The following DNASE1L3 variants were observed in gnomAD, a reference collection of about 807,000 sequenced individuals.
DNASE1L3 encodes the protein deoxyribonuclease 1L3.
A neutral mutation model predicts 30.9 loss-of-function variants in DNASE1L3; 27 were observed. That is an observed-to-expected ratio of 0.87 (90% CI 0.64 to 1.20). The LOEUF is 1.20. Ranked by LOEUF, DNASE1L3 falls within the 50% of genes most tolerant of loss-of-function variation. The pLI, the probability that DNASE1L3 is intolerant of heterozygous loss-of-function variation, is 0.00. For synonymous variants in DNASE1L3, 135 were observed against 138.0 expected (o/e 0.98, Z 0.15); for missense variants, 364 against 378.2 (o/e 0.96, Z 0.31).
intron 1 of DNASE1L3, among the ~76,000 whole-genome samples, chr3:58,210,534 C>T (rs1317805203): frequency 6.6e-6 from 1 of 152,224 alleles, no homozygotes; most frequent in Admixed American, 6.5e-5. Context: ...TAAGAGCTTT[C>T]CATTTGCCAA....
At chr3:58,207,181 G>A (rs2097404579) in intron 2 of DNASE1L3, among the ~76,000 whole-genome samples, 1 of 152,092 alleles carries the variant, frequency 6.6e-6, no homozygotes, top group Non-Finnish European at 1.5e-5. Flanking sequence ...GGCCAGCCTG[G>A]GCAACATAGC....
rs148314913 is a variant in DNASE1L3, at chr3:58,193,380, A to G, written c.764T>C (p.Phe255Ser). 74 of 1,614,026 alleles carry G rather than the reference A, an allele frequency of 4.6e-5. No homozygotes were observed. Among genetic ancestry groups the G allele is most frequent in the Non-Finnish European group, 6.1e-5 (72 of 1,180,026 alleles). The change falls in exon 7 of 8, where the codon TTT becomes TCT. Residue 255 changes from phenylalanine to serine, a missense_variant. Physicochemically the swap from Phe to Ser is radical, Grantham distance 155 (BLOSUM62 -2). Transcript: ENST00000394549. ...SSVVPKSNSV[F>S]DFQKAYKLTE... ...CAGCTTGTAAGCTTTCTGGAAGTCA[A>G]AAACACTGTTTGACTTGGGAACAAC...
chr3:58,204,130 C>T (rs563004823), intron 4 of DNASE1L3, among the ~76,000 whole-genome samples: 14 of 146,688 alleles, frequency 9.5e-5, no homozygotes, highest in Admixed American at 6.9e-4. Context: ...TCACCTAAGC[C>T]ATTGCTTAGG....
chr3:58,203,557 G>C (rs1457245188), intron 4 of DNASE1L3, among the ~76,000 whole-genome samples: 7 of 152,328 alleles, frequency 4.6e-5, no homozygotes, highest in Non-Finnish European at 8.8e-5. Context: ...CAGCACTTTG[G>C]GAAGCCAAGG....
In DNASE1L3 at chr3:58,200,918, C is replaced by T. The variant is rs993594322; in HGVS notation, c.546+79G>A. 24 of 1,169,260 alleles carry T rather than the reference C, an allele frequency of 2.1e-5. No homozygotes were observed. In the African/African-American group the frequency reaches 3.0e-4, roughly 15 times the overall value. The allele number at this position is 1,169,260 out of a possible 1,614,324, so 72.4% of individuals were successfully genotyped here. On this transcript the variant is annotated intron_variant, in intron 5 of 7. Transcript: ENST00000394549. This position sits in a 1 kb window ranked among gnomAD's most constrained non-coding sequence, Gnocchi z 4.2. ...CACATGCCCTTCCTCCTCCCCCTCC[C>T]TGGAGAGGTACTCATCCCACTCAGG...
In DNASE1L3 at chr3:58,197,010, A is replaced by T. The variant is rs1575496043; in HGVS notation, c.704+811T>A. ...GATTTTAGCAGTATTTATAACAGCA[A>T]ACCCTTGGTAATAACCCAATGCCTA... On this transcript the variant is annotated intron_variant, in intron 6 of 7. Transcript: ENST00000394549. This position sits in a 1 kb window ranked among gnomAD's most constrained non-coding sequence, Gnocchi z 5.3. Among the ~76,000 whole-genome samples the T allele has an allele frequency of 6.6e-6, 1 of 152,220 alleles. No individual in the cohort carries two copies. Among genetic ancestry groups the T allele is most frequent in the South Asian group, 2.1e-4 (1 of 4,826 alleles).
chr3:58,200,569 G>A lies in DNASE1L3; in HGVS notation c.546+428C>T, dbSNP rs150058971. Among the ~76,000 whole-genome samples the A allele has an allele frequency of 1.8e-4, 27 of 152,004 alleles. No homozygotes were observed. Among genetic ancestry groups the A allele is most frequent in the Middle Eastern group, 6.8e-3 (2 of 294 alleles). On this transcript the variant is annotated intron_variant, in intron 5 of 7. Transcript: ENST00000394549. This position sits in a 1 kb window ranked among gnomAD's most constrained non-coding sequence, Gnocchi z 4.2. Reference sequence around the variant, plus strand: ...CCAATCAATTGCTCCTTTTTTTCATGAGCCATGTTAAGATTCTGTCCCTTG... The same window carrying A: ...CCAATCAATTGCTCCTTTTTTTCATAAGCCATGTTAAGATTCTGTCCCTTG...
At chr3:58,194,647 A>G in intron 6 of DNASE1L3, among the ~76,000 whole-genome samples, 1 of 128,806 alleles carries the variant, frequency 7.8e-6, no homozygotes. Context: ...TTTTTTTGAG[A>G]CGGAGTCTCT....
chr3:58,204,094 G>C (rs536525687), intron 4 of DNASE1L3, among the ~76,000 whole-genome samples: 4 of 151,922 alleles, frequency 2.6e-5, no homozygotes, highest in Non-Finnish European at 5.9e-5. Flanking sequence ...GTGACTGGAG[G>C]GAGAGTGAGC....
chr3:58,197,145 G>A lies in DNASE1L3; in HGVS notation c.704+676C>T, dbSNP rs991598005. 3.3e-5 allele frequency among the ~76,000 whole-genome samples: 5 copies of A among 152,210 alleles called. No individual in the cohort carries two copies. Among genetic ancestry groups the A allele is most frequent in the Non-Finnish European group, 7.3e-5 (5 of 68,036 alleles). On this transcript the variant is annotated intron_variant, in intron 6 of 7. Coordinates refer to ENST00000394549, the MANE Select transcript of DNASE1L3 (RefSeq NM_004944.4). The surrounding 1 kb of genome is among the most constrained non-coding windows in gnomAD (Gnocchi z 5.3). ...ATGCCAGGCATTGTGCTAGCAGCCT[G>A]ACATGTTATTTCATTTACTCCACAT...
chr3:58,207,876 T>TGTA (rs2097405133), intron 2 of DNASE1L3: 1 of 218,914 alleles, frequency 4.6e-6, no homozygotes, highest in African/African-American at 2.3e-5. Context: ...GTGAGCATGT[T>TGTA]GTAATTTTAT....
At position 58,197,791 on chromosome 3, in the gene DNASE1L3, G is replaced by A. The variant is rs1406211163; in HGVS notation, c.704+30C>T. The stretch of plus-strand genomic sequence containing the variant: ...CCTAGTGCACACCAAGCACTGTGGT[G>A]AGCCAGCAGCACCCTGCAGGGCCTC... On this transcript the variant is annotated intron_variant, in intron 6 of 7. Coordinates refer to ENST00000394549, the MANE Select transcript of DNASE1L3 (RefSeq NM_004944.4). The surrounding 1 kb of genome is among the most constrained non-coding windows in gnomAD (Gnocchi z 5.3). The A allele has an allele frequency of 1.2e-6, 2 of 1,612,764 alleles. No individual in the cohort carries two copies. Among genetic ancestry groups the A allele is most frequent in the Admixed American group, 1.7e-5 (1 of 60,010 alleles).
chr3:58,208,763 C>T (rs941924990), intron 1 of DNASE1L3, among the ~76,000 whole-genome samples: 18 of 152,130 alleles, frequency 1.2e-4, no homozygotes, highest in Non-Finnish European at 4.4e-5. Context: ...TACTGCAAAC[C>T]TACTCCGAGC....
chr3:58,205,634 A>G (rs1250897487), intron 2 of DNASE1L3, 74 bp from the exon 3 acceptor site: 6 of 1,291,068 alleles, frequency 4.6e-6, no homozygotes, highest in African/African-American at 1.5e-5. Context: ...TTTCTTTCCA[A>G]TCTGCCTCCA....
In DNASE1L3 at chr3:58,192,598, T is replaced by C; in HGVS notation, c.*89A>G. 5.9e-6 allele frequency: 8 copies of C among 1,354,936 alleles called. No individual in the cohort carries two copies. Among genetic ancestry groups the C allele is most frequent in the South Asian group, 5.6e-5 (4 of 70,972 alleles). The allele number at this position is 1,354,936 out of a possible 1,614,324, so 83.9% of individuals were successfully genotyped here. ...AAAAATGAAAGCAGTTGGATCACTC[T>C]TGTTTCCTAAGTACAGGGAGCAGTT... On this transcript the variant is annotated 3_prime_UTR_variant, in exon 8 of 8. Coordinates refer to ENST00000394549, the MANE Select transcript of DNASE1L3 (RefSeq NM_004944.4). The surrounding 1 kb of genome is among the most constrained non-coding windows in gnomAD (Gnocchi z 4.8).
chr3:58,201,030 G>A lies in DNASE1L3; in HGVS notation c.513C>T (p.Val171=), dbSNP rs377307065. 5 of 1,613,562 alleles carry A rather than the reference G, an allele frequency of 3.1e-6. No individual in the cohort carries two copies. The South Asian group carries it at 3.3e-5, about 11-fold the overall frequency. Residue 171 remains valine (V), a synonymous_variant, in exon 5 of 8, where the codon GTC becomes GTT. Coordinates refer to ENST00000394549, the MANE Select transcript of DNASE1L3 (RefSeq NM_004944.4). ...TCCAGCGGTGTTTCACGTCCGTGTA[G>A]ACCTCAACCAACTCATCGATCTCCT... ...SVKEIDELVE[V]YTDVKHRWKA...
At position 58,193,416 on chromosome 3, in the gene DNASE1L3, A is replaced by G. The variant is rs746168066; in HGVS notation, c.728T>C (p.Ile243Thr). The change falls in exon 7 of 8, where the codon ATC (isoleucine) becomes ACC (threonine). Residue 243 changes from isoleucine (I) to threonine (T), a missense_variant. Coordinates refer to ENST00000394549, the MANE Select transcript of DNASE1L3 (RefSeq NM_004944.4). ...TGACTTGGGAACAACAGAACTGACGATTTCTTGTCCTCTAAGCACAATCCT... is the reference window on the plus strand; with the variant it reads ...TGACTTGGGAACAACAGAACTGACGGTTTCTTGTCCTCTAAGCACAATCCT... Reference protein sequence around the residue: ...YDRIVLRGQEIVSSVVPKSNS... With the variant: ...YDRIVLRGQETVSSVVPKSNS... 1 of 1,613,828 alleles carries G rather than the reference A, an allele frequency of 6.2e-7. No homozygotes were observed. The highest frequency in any genetic ancestry group is 8.5e-7 in the Non-Finnish European group (1 of 1,179,766).
At chr3:58,208,139 T>G in intron 2 of DNASE1L3, 79 bp downstream of exon 2, 1 of 1,398,680 alleles carries the variant, frequency 7.1e-7, no homozygotes, top group Non-Finnish European at 1.0e-6. Context: ...GATCTCACAT[T>G]ACTTTCAGTT....
At chr3:58,210,026 G>A (rs2097406623) in intron 1 of DNASE1L3, among the ~76,000 whole-genome samples, 1 of 152,060 alleles carries the variant, frequency 6.6e-6, no homozygotes, top group South Asian at 2.1e-4. Context: ...AGCGAAAGTG[G>A]AAGGAGTGGG....
Sources: allele counts gnomAD v4.1 joint callset (sites outside exome capture counted in the v4.1 genomes callset), GRCh38; gene constraint gnomAD v4.1.1; non-coding constraint Gnocchi (gnomAD v3.1); transcripts MANE v1.5; gene names NCBI Gene and HGNC (gene_info 2026-07-23, HGNC 2026-07-21).